The following FOXP1 variants were observed in gnomAD, a reference collection of about 807,000 sequenced individuals.
FOXP1 encodes forkhead box protein P1.
In FOXP1, 15 loss-of-function variants were observed where a neutral mutation model predicts 98.2. That is an observed-to-expected ratio of 0.15 (90% CI 0.10 to 0.24). FOXP1 has a LOEUF of 0.24. FOXP1 is among the 10% of genes least tolerant of loss of function. The pLI is 1.00. For missense variants in FOXP1, 633 were observed against 848.5 expected, an observed-to-expected ratio of 0.75 and a Z score of 3.15; for synonymous variants, 371 against 314.5, an observed-to-expected ratio of 1.18 and a Z score of -1.90.
intron 4 of FOXP1, among the ~76,000 whole-genome samples, chr3:71,352,974 G>A (rs553432856): frequency 6.6e-6 from 1 of 152,280 alleles, no homozygotes; most frequent in South Asian, 2.1e-4. Flanking sequence ...AGTGAGTCAG[G>A]AGTGGGAGAC....
At chr3:71,137,172 G>T (rs1346902849) in intron 6 of FOXP1, among the ~76,000 whole-genome samples, 2 of 152,194 alleles carry the variant, frequency 1.3e-5, no homozygotes, top group African/African-American at 4.8e-5. Context: ...TCCTTCCAGG[G>T]TGTTAGCTAC....
Position 71,467,769 on chromosome 3 carries a change from TAAAAC to T in FOXP1, c.-168+25652_-168+25656del, listed in dbSNP as rs1438154112. Among the ~76,000 whole-genome samples the T allele has an allele frequency of 2.6e-5, 4 of 152,312 alleles. No individual in the cohort carries two copies. The East Asian group carries it at 7.7e-4, about 29-fold the overall frequency. On this transcript the variant is annotated intron_variant, in intron 3 of 20. Coordinates refer to ENST00000649528, the MANE Select transcript of FOXP1 (RefSeq NM_001349338.3). ...GTAATTCTCATACTGAAAGACTTGTTAAAACAAAGATCGTTGGATCTCCCTCTTTG... is the reference window on the plus strand; with the variant it reads ...GTAATTCTCATACTGAAAGACTTGTTAAAGATCGTTGGATCTCCCTCTTTG...
At chr3:71,441,064 T>C (rs1178679290) in intron 3 of FOXP1, among the ~76,000 whole-genome samples, 1 of 152,220 alleles carries the variant, frequency 6.6e-6, no homozygotes, top group Admixed American at 6.5e-5. Flanking sequence ...GCATTCCCTA[T>C]TGCAAACAGG....
At chr3:71,412,391 G>T (rs1365387459) in intron 3 of FOXP1, among the ~76,000 whole-genome samples, 2 of 152,170 alleles carry the variant, frequency 1.3e-5, no homozygotes, top group Admixed American at 6.5e-5. Flanking sequence ...ATGTTGAGGG[G>T]CATGATCTCA....
intron 6 of FOXP1, among the ~76,000 whole-genome samples, chr3:71,153,343 A>T (rs1162217721): frequency 6.6e-6 from 1 of 152,136 alleles, no homozygotes; most frequent in Admixed American, 6.6e-5. Flanking sequence ...AGCCCTCATC[A>T]ATCCAAACCT....
intron 6 of FOXP1, among the ~76,000 whole-genome samples, chr3:71,150,443 A>G (rs2060512105): frequency 6.6e-6 from 1 of 152,106 alleles, no homozygotes; most frequent in African/African-American, 2.4e-5. Context: ...TCTTTTTACC[A>G]TGATACTTGA....
chr3:71,051,315 A>G (rs912449771), intron 9 of FOXP1, among the ~76,000 whole-genome samples: 1 of 151,802 alleles, frequency 6.6e-6, no homozygotes, highest in Non-Finnish European at 1.5e-5. Context: ...CCTCCCCTTC[A>G]CCCCAAAACT....
intron 5 of FOXP1, among the ~76,000 whole-genome samples, chr3:71,268,344 A>G (rs572226338): frequency 6.6e-6 from 1 of 152,218 alleles, no homozygotes; most frequent in Admixed American, 6.5e-5. Context: ...TCACAAGGAT[A>G]AAGTATTCCA....
intron 6 of FOXP1, among the ~76,000 whole-genome samples, chr3:71,122,077 T>C (rs2058821249): frequency 2.0e-5 from 3 of 152,222 alleles, no homozygotes; most frequent in Admixed American, 1.3e-4. Flanking sequence ...CTAACTAGAA[T>C]TATGCTCAAA....
intron 2 of FOXP1, among the ~76,000 whole-genome samples, chr3:71,507,619 C>T (rs754809378): frequency 1.6e-4 from 25 of 151,786 alleles, no homozygotes; most frequent in Non-Finnish European, 3.1e-4. Context: ...GCTCTGTCAC[C>T]GAGGCTGGAG....
chr3:71,198,432 G>GGGGGGGGGGCC, intron 5 of FOXP1, 40 bp from the exon 6 acceptor site: 1 of 491,034 alleles, frequency 2.0e-6, no homozygotes, highest in Non-Finnish European at 4.0e-6. Context: ...GGGAGGGGGG[G>GGGGGGGGGGCC]AGAAAAAAAA....
intron 5 of FOXP1, among the ~76,000 whole-genome samples, chr3:71,280,126 CAAAAAAAAAAAAA>C (rs56674677): frequency 1.9e-5 from 2 of 106,208 alleles, no homozygotes; most frequent in Admixed American, 1.1e-4. Context: ...CTGTCTCAAA[CAAAAAAAAAAAAA>C]AAAAAAAAAA....
At chr3:71,033,759 A>T (rs1019128003) in intron 11 of FOXP1, among the ~76,000 whole-genome samples, 12 of 152,028 alleles carry the variant, frequency 7.9e-5, no homozygotes. Context: ...CCTTTCTCCC[A>T]CTTCTAAGTC....
intron 3 of FOXP1, among the ~76,000 whole-genome samples, chr3:71,444,527 C>G (rs770834060): frequency 6.6e-6 from 1 of 152,256 alleles, no homozygotes; most frequent in East Asian, 1.9e-4. Context: ...TGGCTCCAAT[C>G]GCCTTTCAAG....
At chr3:71,556,492 G>A (rs947976179) in intron 2 of FOXP1, among the ~76,000 whole-genome samples, 2 of 147,330 alleles carry the variant, frequency 1.4e-5, no homozygotes, top group African/African-American at 2.5e-5. Context: ...CAGGAGAATC[G>A]CTTGAACTCG....
intron 2 of FOXP1, among the ~76,000 whole-genome samples, chr3:71,567,103 C>T (rs1225783382): frequency 1.3e-5 from 2 of 151,694 alleles, no homozygotes; most frequent in Non-Finnish European, 2.9e-5. Flanking sequence ...GGGAACAAAG[C>T]AAAAAAGCAC....
chr3:71,504,681 G>C (rs1023860688), intron 2 of FOXP1, among the ~76,000 whole-genome samples: 1 of 152,072 alleles, frequency 6.6e-6, no homozygotes, highest in Non-Finnish European at 1.5e-5. Context: ...GAAATGTCTC[G>C]AGGCGCCAAG....
In FOXP1 at chr3:70,955,386, C is replaced by T. The variant is rs2031526079; in HGVS notation, c.*3861G>A. 1 of 232,662 alleles carries T rather than the reference C, an allele frequency of 4.3e-6. No individual in the cohort carries two copies. The highest frequency in any genetic ancestry group is 8.5e-6 in the Non-Finnish European group (1 of 117,816). The allele number at this position is 232,662 out of a possible 1,614,324, so 14.4% of individuals were successfully genotyped here. A position where few individuals can be genotyped will look rare whatever the true frequency, so the allele number is the denominator to read the frequency against. On this transcript the variant is annotated 3_prime_UTR_variant, in exon 21 of 21. Transcript: ENST00000649528. The stretch of plus-strand genomic sequence containing the variant: ...CGTATGTACATAAGCCTTGATATTC[C>T]ATTTTGTGGCTGGTCCAAGGGGCAG...
chr3:71,466,831 C>T lies in FOXP1; in HGVS notation c.-168+26595G>A, dbSNP rs538976680. Among the ~76,000 whole-genome samples, 8 of 152,298 alleles carry T rather than the reference C, an allele frequency of 5.3e-5. 1 individual carries two copies. Among genetic ancestry groups the T allele is most frequent in the Admixed American group, 2.6e-4 (4 of 15,302 alleles). The stretch of plus-strand genomic sequence containing the variant: ...TTACCATATAGTTCTACATGAGAGA[C>T]GCAGGTACAAGCTCTAAACACAGAC... On this transcript the variant is annotated intron_variant, in intron 3 of 20. Coordinates refer to ENST00000649528, the MANE Select transcript of FOXP1 (RefSeq NM_001349338.3).
Sources: allele counts gnomAD v4.1 joint callset (sites outside exome capture counted in the v4.1 genomes callset), GRCh38; gene constraint gnomAD v4.1.1; transcripts MANE v1.5; gene names NCBI Gene and HGNC (gene_info 2026-07-23, HGNC 2026-07-21).